Variants in ENTREP2 observed in about 807,000 individuals in gnomAD.
The protein encoded by ENTREP2 is protein ENTREP2.
chr15:29,587,873 GGT>G, the ENTREP2 span, among the ~76,000 whole-genome samples: 1 of 152,020 alleles, frequency 6.6e-6, no homozygotes. Context: ...TGGCCAGGCT[GGT>G]CTCAAATTCT....
At chr15:29,627,099 T>C in the ENTREP2 span, among the ~76,000 whole-genome samples, 1 of 152,192 alleles carries the variant, frequency 6.6e-6, no homozygotes, top group South Asian at 2.1e-4. Flanking sequence ...CATTTGGTGC[T>C]GTAAATTTCC....
the ENTREP2 span, among the ~76,000 whole-genome samples, chr15:29,423,048 T>C: frequency 6.6e-6 from 1 of 152,100 alleles, no homozygotes; most frequent in Non-Finnish European, 1.5e-5. Context: ...GTCAACGAGG[T>C]CTGAAAACAT....
At chr15:29,633,461 G>C in the ENTREP2 span, among the ~76,000 whole-genome samples, 3 of 152,144 alleles carry the variant, frequency 2.0e-5, no homozygotes, top group Admixed American at 1.3e-4. Context: ...TTGATGTTGG[G>C]GGGGGCGGGC....
At chr15:29,586,678 C>G in the ENTREP2 span, among the ~76,000 whole-genome samples, 1 of 149,932 alleles carries the variant, frequency 6.7e-6, no homozygotes, top group Non-Finnish European at 1.5e-5. Flanking sequence ...GAACCCGGGA[C>G]GGGGAGGTTG....
chr15:29,306,658 T>C, the ENTREP2 span, among the ~76,000 whole-genome samples: 2 of 145,320 alleles, frequency 1.4e-5, no homozygotes, highest in African/African-American at 2.5e-5. Flanking sequence ...TGAAAAATAA[T>C]TGGTAATTTT....
the ENTREP2 span, among the ~76,000 whole-genome samples, chr15:29,608,789 G>C: frequency 2.0e-5 from 3 of 151,478 alleles, no homozygotes; most frequent in African/African-American, 7.3e-5. Context: ...GGATGGTCTC[G>C]ATCTCCTGAC....
At chr15:29,460,616 G>C in the ENTREP2 span, among the ~76,000 whole-genome samples, 1 of 152,238 alleles carries the variant, frequency 6.6e-6, no homozygotes, top group African/African-American at 2.4e-5. Flanking sequence ...GGGCGACAGA[G>C]TGAGACTCTG....
At chr15:29,425,584 C>T in the ENTREP2 span, among the ~76,000 whole-genome samples, 2 of 152,140 alleles carry the variant, frequency 1.3e-5, no homozygotes, top group African/African-American at 4.8e-5. Flanking sequence ...TTAAGTAACA[C>T]CTTTAGCGTG....
At chr15:29,306,143 G>A in the ENTREP2 span, among the ~76,000 whole-genome samples, 1 of 152,266 alleles carries the variant, frequency 6.6e-6, no homozygotes, top group South Asian at 2.1e-4. Context: ...GATCCTTCAG[G>A]ATGGGAAGCA....
At chr15:29,472,747 G>C in the ENTREP2 span, among the ~76,000 whole-genome samples, 4 of 152,238 alleles carry the variant, frequency 2.6e-5, no homozygotes, top group East Asian at 3.9e-4. Context: ...TTACAGGTGT[G>C]AGCCACTGCA....
At chr15:29,281,275 C>T in the ENTREP2 span, among the ~76,000 whole-genome samples, 1 of 152,034 alleles carries the variant, frequency 6.6e-6, no homozygotes, top group South Asian at 2.1e-4. Flanking sequence ...CTTGATTAGT[C>T]TTACTTAAGG....
the ENTREP2 span, among the ~76,000 whole-genome samples, chr15:29,386,714 A>G: frequency 0.13 from 19,998 of 152,010 alleles, 2,239 homozygotes; most frequent in African/African-American, 0.3. Context: ...ACGCCTTCAC[A>G]ATGGGACTGG....
At chr15:29,351,494 TA>T in the ENTREP2 span, among the ~76,000 whole-genome samples, 6 of 151,940 alleles carry the variant, frequency 3.9e-5, no homozygotes, top group Non-Finnish European at 7.4e-5. Context: ...ATGTGCAAGA[TA>T]AATGTTTATA....
At chr15:29,316,545 G>A in the ENTREP2 span, among the ~76,000 whole-genome samples, 1 of 152,190 alleles carries the variant, frequency 6.6e-6, no homozygotes, top group Admixed American at 6.5e-5. Context: ...AGGCATGTAT[G>A]TATTTTGACA....
chr15:29,536,983 A>G, the ENTREP2 span, among the ~76,000 whole-genome samples: 1 of 152,212 alleles, frequency 6.6e-6, no homozygotes. Context: ...TTGGACTTCC[A>G]GCCTCCAGAA....
At chr15:29,302,495 G>A in the ENTREP2 span, among the ~76,000 whole-genome samples, 2 of 152,156 alleles carry the variant, frequency 1.3e-5, no homozygotes, top group Non-Finnish European at 2.9e-5. Context: ...ACTGAAAGTT[G>A]ATAAAGTTTA....
At chr15:29,437,161 G>T in the ENTREP2 span, among the ~76,000 whole-genome samples, 11 of 152,198 alleles carry the variant, frequency 7.2e-5, no homozygotes, top group Admixed American at 2.0e-4. Context: ...GGCCAGGGAA[G>T]AATCAGGTCA....
the ENTREP2 span, among the ~76,000 whole-genome samples, chr15:29,331,211 C>T: frequency 6.6e-6 from 1 of 152,210 alleles, no homozygotes; most frequent in South Asian, 2.1e-4. Flanking sequence ...CCAAAGAGGG[C>T]AGCTTCTCAA....
chr15:29,263,177 A>C, the ENTREP2 span, among the ~76,000 whole-genome samples: 1 of 152,260 alleles, frequency 6.6e-6, no homozygotes, highest in Non-Finnish European at 1.5e-5. Context: ...ACCTGAACAT[A>C]ATCTTGAGAA....
Sources: gnomAD v4.1 joint callset for allele counts (sites outside exome capture counted in the v4.1 genomes callset) on GRCh38, gnomAD v4.1.1 for gene constraint, MANE v1.5 for transcripts, NCBI Gene and HGNC (gene_info 2026-07-23, HGNC 2026-07-21) for gene names.